The following MYT1L variants were observed in gnomAD, a reference collection of about 807,000 sequenced individuals.
MYT1L encodes the protein myelin transcription factor 1-like protein.
In MYT1L, 12 loss-of-function variants were observed where a neutral mutation model predicts 126.7. That is an observed-to-expected ratio of 0.09 (90% CI 0.06 to 0.15). The LOEUF (loss-of-function observed/expected upper bound fraction) is 0.15. MYT1L is among the 10% of genes least tolerant of loss of function. The pLI, the probability that MYT1L is intolerant of heterozygous loss-of-function variation, is 1.00. For synonymous variants in MYT1L, 541 were observed against 604.2 expected, an observed-to-expected ratio of 0.90 and a Z score of 1.53; for missense variants, 979 against 1,585.2, an observed-to-expected ratio of 0.62 and a Z score of 6.49.
At chr2:2,227,598 A>C (rs148490067) in intron 2 of MYT1L, among the ~76,000 whole-genome samples, 2 of 152,284 alleles carry the variant, frequency 1.3e-5, no homozygotes, top group East Asian at 3.9e-4. Context: ...CTCACATGGA[A>C]AGCTGACCGC....
chr2:1,838,872 A>C (rs965370034), intron 21 of MYT1L, among the ~76,000 whole-genome samples: 2 of 152,148 alleles, frequency 1.3e-5, no homozygotes, highest in Non-Finnish European at 1.5e-5. Context: ...ATGAAAATCT[A>C]TATCTTACTG....
intron 20 of MYT1L, among the ~76,000 whole-genome samples, chr2:1,839,880 T>C (rs2041428106): frequency 1.3e-5 from 2 of 152,204 alleles, no homozygotes; most frequent in African/African-American, 4.8e-5. Flanking sequence ...GAGAAGATCC[T>C]AAGCTGCAGA....
At chr2:2,316,719 A>G (rs1001828694) in intron 1 of MYT1L, among the ~76,000 whole-genome samples, 24 of 152,216 alleles carry the variant, frequency 1.6e-4, no homozygotes, top group Non-Finnish European at 2.9e-5. Context: ...AATGTATAAA[A>G]TCAATAGAGA....
chr2:1,918,876 T>G lies in MYT1L; in HGVS notation c.1484-1537A>C, dbSNP rs571698458. Among the ~76,000 whole-genome samples, 3 of 152,366 alleles carry G rather than the reference T, an allele frequency of 2.0e-5. No homozygotes were observed. In the East Asian group the frequency reaches 5.8e-4, roughly 29 times the overall value. On this transcript the variant is annotated intron_variant, in intron 10 of 24. Coordinates refer to ENST00000647738, the MANE Select transcript of MYT1L (RefSeq NM_001303052.2). ...TCTTACACCTGCAAACAAAAATGCC[T>G]AGCACTTTATTGCCTTTTCAGTAAT...
chr2:1,809,062 G>C lies in MYT1L; in HGVS notation c.3172+14C>G, dbSNP rs893595692. ...CCTGACCATGGGTGCCACGAGGGCT[G>C]GAGGGGTGCTCACCGTTGCTGGCCC... On this transcript the variant is annotated intron_variant, in intron 22 of 24. Transcript: ENST00000647738. 1.9e-6 allele frequency: 3 copies of C among 1,613,276 alleles called. No homozygotes were observed. The Admixed American group carries it at 5.0e-5, about 27-fold the overall frequency.
chr2:1,836,158 C>T (rs2040847493), intron 21 of MYT1L, among the ~76,000 whole-genome samples: 1 of 152,098 alleles, frequency 6.6e-6, no homozygotes, highest in African/African-American at 2.4e-5. Context: ...CTCCGAGTAA[C>T]ATGGGCCTGT....
intron 18 of MYT1L, among the ~76,000 whole-genome samples, chr2:1,866,863 A>G (rs2045631826): frequency 7.6e-6 from 1 of 131,534 alleles, no homozygotes. Flanking sequence ...GGGAGGGCAG[A>G]GAGAGATGGG....
chr2:2,014,421 G>A (rs1281908706), intron 4 of MYT1L, among the ~76,000 whole-genome samples: 3 of 152,146 alleles, frequency 2.0e-5, no homozygotes, highest in Non-Finnish European at 4.4e-5. Flanking sequence ...TGGGAAGGCC[G>A]GTCATCCTGG....
At chr2:1,909,552 C>T (rs1339785817) in intron 13 of MYT1L, among the ~76,000 whole-genome samples, 2 of 152,108 alleles carry the variant, frequency 1.3e-5, no homozygotes, top group Admixed American at 6.5e-5. Flanking sequence ...AGAATGAAAG[C>T]TGTATAGAAG....
intron 9 of MYT1L, 134 bp downstream of exon 9, chr2:1,942,848 G>A: frequency 1.7e-6 from 2 of 1,161,772 alleles, no homozygotes; most frequent in Non-Finnish European, 2.3e-6. Flanking sequence ...TCATATAAGA[G>A]GTTAATTTTC....
intron 3 of MYT1L, among the ~76,000 whole-genome samples, chr2:2,098,249 T>C (rs115546394): frequency 0.021 from 3,156 of 152,290 alleles, 107 homozygotes; most frequent in African/African-American, 0.07. Context: ...TCTTTCCTCA[T>C]GGCTTTTATA....
chr2:2,261,167 G>A (rs1278494654), intron 2 of MYT1L, among the ~76,000 whole-genome samples: 1 of 146,554 alleles, frequency 6.8e-6, no homozygotes, highest in African/African-American at 2.5e-5. Context: ...GTGTGTGTGT[G>A]TATGTGTTTC....
intron 2 of MYT1L, among the ~76,000 whole-genome samples, chr2:2,268,809 A>T (rs2095197460): frequency 6.6e-6 from 1 of 152,184 alleles, no homozygotes; most frequent in Non-Finnish European, 1.5e-5. Context: ...CAAGAATCAC[A>T]TGTTTAGGGA....
chr2:1,967,900 G>A (rs1403763898), intron 8 of MYT1L, among the ~76,000 whole-genome samples: 1 of 152,192 alleles, frequency 6.6e-6, no homozygotes, highest in Non-Finnish European at 1.5e-5. Flanking sequence ...TCCGCAAAGA[G>A]TCCTGCTGTC....
At chr2:2,084,478 T>C (rs865813919) in intron 3 of MYT1L, among the ~76,000 whole-genome samples, 12 of 152,162 alleles carry the variant, frequency 7.9e-5, no homozygotes, top group African/African-American at 2.2e-4. Context: ...CACTGCCCCT[T>C]GTGTTTGCTT....
intron 3 of MYT1L, among the ~76,000 whole-genome samples, chr2:2,153,685 T>C (rs557805045): frequency 7.9e-5 from 12 of 152,280 alleles, no homozygotes; most frequent in African/African-American, 2.6e-4. Flanking sequence ...CTAGTGATGC[T>C]AGTGAGTTCA....
At chr2:2,067,658 G>T (rs2150200961) in intron 3 of MYT1L, among the ~76,000 whole-genome samples, 1 of 152,044 alleles carries the variant, frequency 6.6e-6, no homozygotes, top group Admixed American at 6.5e-5. Context: ...AAAATAAACA[G>T]GACCCCCATA....
chr2:2,256,936 C>T (rs574763308), intron 2 of MYT1L, among the ~76,000 whole-genome samples: 1 of 152,150 alleles, frequency 6.6e-6, no homozygotes, highest in Non-Finnish European at 1.5e-5. Flanking sequence ...CACACAGGCA[C>T]TTATAAACAT....
At chr2:2,301,266 C>T (rs1477271339) in intron 1 of MYT1L, among the ~76,000 whole-genome samples, 1 of 151,964 alleles carries the variant, frequency 6.6e-6, no homozygotes, top group African/African-American at 2.4e-5. Context: ...GTCTTTTTTC[C>T]TCTCTCTGTG....
Sources: gnomAD v4.1 joint callset for allele counts (sites outside exome capture counted in the v4.1 genomes callset) on GRCh38, gnomAD v4.1.1 for gene constraint, MANE v1.5 for transcripts, NCBI Gene and HGNC (gene_info 2026-07-23, HGNC 2026-07-21) for gene names.